The following TTI1 variants were observed in gnomAD, a reference collection of about 807,000 sequenced individuals.
TTI1 encodes the protein TELO2-interacting protein 1 homolog.
TTI1 carries 52 observed loss-of-function variants against 85.4 expected under a neutral mutation model. That is an observed-to-expected ratio of 0.61 (90% CI 0.49 to 0.77). The LOEUF (loss-of-function observed/expected upper bound fraction) is 0.77, where lower values mean the gene tolerates loss of function less well. TTI1 is among the 30% of genes least tolerant of loss of function. The pLI is 0.00. For missense variants in TTI1, 1,173 were observed against 1,296.0 expected, an observed-to-expected ratio of 0.91 and a Z score of 1.46; for synonymous variants, 512 against 503.9, an observed-to-expected ratio of 1.02 and a Z score of -0.22.
chr20:38,001,428 A>G (rs1221116984), intron 4 of TTI1, among the ~76,000 whole-genome samples: 1 of 152,244 alleles, frequency 6.6e-6, no homozygotes, highest in East Asian at 1.9e-4. Flanking sequence ...GTATGTATAC[A>G]GCTGCTACAA....
chr20:38,013,548 T>A lies in TTI1; in HGVS notation c.269A>T (p.Gln90Leu). The A allele has an allele frequency of 6.2e-7, 1 of 1,614,244 alleles. No individual in the cohort carries two copies. Among genetic ancestry groups the A allele is most frequent in the Non-Finnish European group, 8.5e-7 (1 of 1,180,048 alleles). Residue 90 changes from glutamine (Q) to leucine (L), a missense_variant, in exon 2 of 8, where the codon CAG becomes CTG. Gln to Leu is a moderately radical substitution (Grantham distance 113, BLOSUM62 -2). Transcript: ENST00000373447. The stretch of plus-strand genomic sequence containing the variant: ...TGAAAAGAGTTCCTGGAGAAGCTCC[T>A]GTTCTTTCACACATGTTGAAGAAAG... The part of the protein sequence containing the change: ...FVLSSTCVKE[Q>L]ELLQELFSEL...
chr20:37,996,500 C>T (rs758534448), intron 6 of TTI1, 38 bp from the exon 7 acceptor site: 3 of 1,607,630 alleles, frequency 1.9e-6, no homozygotes, highest in Non-Finnish European at 2.5e-6. Flanking sequence ...TCAGCCCTTA[C>T]ACTTCATTTG....
chr20:38,000,175 G>A (rs1198577345), intron 4 of TTI1, among the ~76,000 whole-genome samples: 1 of 152,158 alleles, frequency 6.6e-6, no homozygotes, highest in Non-Finnish European at 1.5e-5. Context: ...GAGCTGCTTC[G>A]TTTCAGGGGT....
chr20:38,018,057 A>G lies in TTI1; in HGVS notation c.-41-4200T>C, dbSNP rs114578420. On this transcript the variant is annotated intron_variant, in intron 1 of 7. Transcript: ENST00000373447. ...TATGCATCCACTATGATTCTTTTAT[A>G]TAATGTTTGGTATATAATAAGTTTT... Among the ~76,000 whole-genome samples the G allele has an allele frequency of 1.1e-3, 160 of 152,346 alleles. 1 individual carries two copies. Among genetic ancestry groups the G allele is most frequent in the African/African-American group, 3.8e-3 (156 of 41,580 alleles).
At chr20:38,032,909 C>A (rs1317241768) in intron 1 of TTI1, among the ~76,000 whole-genome samples, 1 of 152,158 alleles carries the variant, frequency 6.6e-6, no homozygotes, top group Non-Finnish European at 1.5e-5. Context: ...GTTCCCTCCA[C>A]CTTTTCCCTA....
At chr20:38,020,317 A>ATATATATATATAT (rs1568628878) in intron 1 of TTI1, among the ~76,000 whole-genome samples, 4 of 44,048 alleles carry the variant, frequency 9.1e-5, no homozygotes, top group African/African-American at 2.9e-4. Flanking sequence ...TATGAAAAAA[A>ATATATATATATAT]AAAAAAATAT....
rs767896468 is a variant in TTI1, at chr20:38,012,991, C to T, written c.826G>A (p.Glu276Lys). Reference sequence around the variant, plus strand: ...CCAGTCTTTTTTACCCAATCTGCTTCCCTGTAAACCATCAGCTCTGCTACT... The same window carrying T: ...CCAGTCTTTTTTACCCAATCTGCTTTCCTGTAAACCATCAGCTCTGCTACT... ...HRVAELMVYR[E>K]ADWVKKTGDK... The change falls in exon 2 of 8, where the codon GAA becomes AAA. Residue 276 changes from glutamate (E) to lysine (K), a missense_variant. Transcript: ENST00000373447. 8.4e-5 allele frequency: 135 copies of T among 1,613,910 alleles called. No homozygotes were observed. Among genetic ancestry groups the T allele is most frequent in the Non-Finnish European group, 1.1e-4 (126 of 1,180,038 alleles).
At chr20:37,986,734 T>G (rs1306568721) in intron 7 of TTI1, among the ~76,000 whole-genome samples, 1 of 152,220 alleles carries the variant, frequency 6.6e-6, no homozygotes, top group East Asian at 1.9e-4. Context: ...AAAACAGTAT[T>G]CCTTCTTTTC....
intron 2 of TTI1, among the ~76,000 whole-genome samples, chr20:38,009,365 C>T (rs1448686151): frequency 6.6e-6 from 1 of 152,158 alleles, no homozygotes; most frequent in East Asian, 1.9e-4. Context: ...AACTCCTTCT[C>T]TTGCTCCTCA....
chr20:38,011,291 G>T (rs901868029), intron 2 of TTI1, among the ~76,000 whole-genome samples: 15 of 152,080 alleles, frequency 9.9e-5, no homozygotes, highest in African/African-American at 3.6e-4. Context: ...TATTCTGCAG[G>T]GTTTATACCC....
chr20:38,006,197 C>G lies in TTI1; in HGVS notation c.2503G>C (p.Glu835Gln). The G allele has an allele frequency of 6.2e-7, 1 of 1,614,032 alleles. No homozygotes were observed. The highest frequency in any genetic ancestry group is 8.5e-7 in the Non-Finnish European group (1 of 1,180,002). The stretch of plus-strand genomic sequence containing the variant: ...AGCTAAGCCAAAATAAACAAGTTAC[C>G]TTCTTCATTATCAAAATCCGAGACA... ...GNVSDFDNEE[E>Q]EQSVPPKVDE... The change falls in exon 3 of 8, where the codon GAG becomes CAG. Residue 835 changes from glutamate to glutamine, a missense_variant and splice_region_variant. Coordinates refer to ENST00000373447, the MANE Select transcript of TTI1 (RefSeq NM_001303457.2).
Position 38,013,544 on chromosome 20 carries a change from C to G in TTI1, c.273G>C (p.Glu91Asp), listed in dbSNP as rs758724928. Residue 91 changes from glutamate to aspartate, a missense_variant, in exon 2 of 8, where the codon GAG becomes GAC. Coordinates refer to ENST00000373447, the MANE Select transcript of TTI1 (RefSeq NM_001303457.2). Reference sequence around the variant, plus strand: ...GTTCTGAAAAGAGTTCCTGGAGAAGCTCCTGTTCTTTCACACATGTTGAAG... The same window carrying G: ...GTTCTGAAAAGAGTTCCTGGAGAAGGTCCTGTTCTTTCACACATGTTGAAG... ...VLSSTCVKEQ[E>D]LLQELFSELS... 5 of 1,614,204 alleles carry G rather than the reference C, an allele frequency of 3.1e-6. No homozygotes were observed. The Admixed American group carries it at 8.3e-5, about 27-fold the overall frequency.
In TTI1 at chr20:38,011,839, C is replaced by G; in HGVS notation, c.1978G>C (p.Ala660Pro). Residue 660 changes from alanine to proline, a missense_variant, in exon 2 of 8, where the codon GCT becomes CCT. Physicochemically the swap from Ala to Pro is conservative, Grantham distance 27. Transcript: ENST00000373447. The stretch of plus-strand genomic sequence containing the variant: ...CTAATGAGTAGGGTTTGGTCTCCAG[C>G]CTTCTCCAGTACTGGATAAAGGGCT... ...MSALYPVLEK[A>P]GDQTLLISQV... 6.2e-7 allele frequency: 1 copy of G among 1,614,222 alleles called. No homozygotes were observed. The highest frequency in any genetic ancestry group is 1.7e-5 in the Admixed American group (1 of 60,032).
At position 38,002,643 on chromosome 20, in the gene TTI1, C is replaced by T; in HGVS notation, c.2637G>A (p.Leu879=). Residue 879 remains leucine (L), a synonymous_variant, in exon 4 of 8, where the codon CTG becomes CTA. Coordinates refer to ENST00000373447, the MANE Select transcript of TTI1 (RefSeq NM_001303457.2). ...RCIHLLSDKN[L]QIRLKVLDVL... is the part of the protein sequence containing the mutation. ...GCGCACTGACCTTCAGGCGGATTTG[C>T]AGATTTTTATCTGACAACAAGTGGA... The T allele has an allele frequency of 6.2e-7, 1 of 1,614,186 alleles. No homozygotes were observed. The highest frequency in any genetic ancestry group is 1.1e-5 in the South Asian group (1 of 91,084).
At chr20:37,991,448 G>T (rs777288612) in intron 7 of TTI1, among the ~76,000 whole-genome samples, 1 of 152,194 alleles carries the variant, frequency 6.6e-6, no homozygotes, top group Non-Finnish European at 1.5e-5. Flanking sequence ...AGCCTGTGCC[G>T]GTCTGTGTTC....
chr20:38,020,323 A>AAAAAATATATATATATATATATAT, intron 1 of TTI1, among the ~76,000 whole-genome samples: 4 of 50,388 alleles, frequency 7.9e-5, no homozygotes, highest in South Asian at 9.2e-4. Flanking sequence ...AAAAAAAAAA[A>AAAAAATATATATATATATATATAT]ATATATATAT....
chr20:37,987,857 AAT>A (rs1555791555), intron 7 of TTI1, among the ~76,000 whole-genome samples: 1 of 152,136 alleles, frequency 6.6e-6, no homozygotes, highest in Non-Finnish European at 1.5e-5. Flanking sequence ...GTAAGTACCT[AAT>A]AAACTCCAGA....
At chr20:38,017,632 G>C (rs1269025822) in intron 1 of TTI1, among the ~76,000 whole-genome samples, 1 of 152,172 alleles carries the variant, frequency 6.6e-6, no homozygotes, top group East Asian at 1.9e-4. Context: ...GGCTGCTGCT[G>C]AAGACAACCC....
chr20:38,023,771 C>T (rs569842509), intron 1 of TTI1, among the ~76,000 whole-genome samples: 4 of 152,308 alleles, frequency 2.6e-5, no homozygotes, highest in East Asian at 3.9e-4. Context: ...TTGTTGATTG[C>T]TACTCATCTT....
Sources: allele counts gnomAD v4.1 joint callset (sites outside exome capture counted in the v4.1 genomes callset), GRCh38; gene constraint gnomAD v4.1.1; transcripts MANE v1.5; gene names NCBI Gene and HGNC (gene_info 2026-07-23, HGNC 2026-07-21).